The following POLH variants were observed in gnomAD, a reference collection of about 807,000 sequenced individuals.
The protein encoded by POLH is DNA polymerase eta transcript.
POLH carries 53 observed loss-of-function variants against 73.6 expected under a neutral mutation model. That is an observed-to-expected ratio of 0.72 (90% CI 0.58 to 0.91). POLH has a LOEUF of 0.91. Among genes scored for constraint, POLH ranks in the 40% least tolerant of loss-of-function variants. The pLI is 0.00. For missense variants in POLH, 768 were observed against 865.4 expected, an observed-to-expected ratio of 0.89 and a Z score of 1.41; for synonymous variants, 292 against 308.5, an observed-to-expected ratio of 0.95 and a Z score of 0.56.
intron 4 of POLH, among the ~76,000 whole-genome samples, chr6:43,595,668 G>A (rs1009835147): frequency 1.3e-5 from 2 of 152,048 alleles, no homozygotes; most frequent in East Asian, 1.9e-4. Flanking sequence ...GGAGAATGAC[G>A]TGGACTCGGG....
intron 4 of POLH, among the ~76,000 whole-genome samples, chr6:43,594,965 AT>A (rs1765874307): frequency 1.3e-5 from 1 of 74,424 alleles, no homozygotes; most frequent in Middle Eastern, 5.7e-3. Context: ...TGGGGGGCAT[AT>A]GGGGGGGGAT....
intron 4 of POLH, among the ~76,000 whole-genome samples, chr6:43,592,404 CTTT>C (rs897203358): frequency 5.3e-5 from 7 of 131,796 alleles, no homozygotes; most frequent in African/African-American, 2.9e-5. Flanking sequence ...TTTGTATCTT[CTTT>C]TTTTTTTTTT....
chr6:43,611,845 CAGG>C (rs1469276901), intron 10 of POLH, among the ~76,000 whole-genome samples: 2 of 152,046 alleles, frequency 1.3e-5, no homozygotes, highest in Non-Finnish European at 2.9e-5. Context: ...CACCTGAGGT[CAGG>C]AGTTCAAGAG....
intron 1 of POLH, among the ~76,000 whole-genome samples, chr6:43,576,877 C>T (rs1763401028): frequency 1.3e-5 from 2 of 152,190 alleles, no homozygotes; most frequent in South Asian, 4.1e-4. Context: ...AGCTCTTGGC[C>T]GGGCGCGGTG....
At chr6:43,579,991 A>G in intron 1 of POLH, among the ~76,000 whole-genome samples, 2 of 139,448 alleles carry the variant, frequency 1.4e-5, no homozygotes, top group African/African-American at 2.7e-5. Context: ...ACAATAGTGG[A>G]GGGAAGGTCA....
intron 4 of POLH, among the ~76,000 whole-genome samples, chr6:43,592,636 C>T (rs767381649): frequency 1.1e-4 from 17 of 152,194 alleles, no homozygotes; most frequent in Non-Finnish European, 2.2e-4. Flanking sequence ...AGCATGGTCT[C>T]GATCTCCTGA....
Position 43,605,241 on chromosome 6 carries a change from A to C in POLH, c.1009-13A>C. On this transcript the variant is annotated splice_polypyrimidine_tract_variant and intron_variant, in intron 8 of 10. Coordinates refer to ENST00000372236, the MANE Select transcript of POLH (RefSeq NM_006502.3). ...TGTTTAAATGAAAGATTAAAGTCTC[A>C]ATACTTTTTTAGGTACAATGGTGGC... 2 of 1,505,998 alleles carry C rather than the reference A, an allele frequency of 1.3e-6. No homozygotes were observed. Among genetic ancestry groups the C allele is most frequent in the East Asian group, 2.3e-5 (1 of 44,324 alleles). 93.3% of individuals were successfully genotyped at this position (1,505,998 alleles called of 1,614,324 possible). A position where few individuals can be genotyped will look rare whatever the true frequency, so the allele number is the denominator to read the frequency against.
intron 5 of POLH, among the ~76,000 whole-genome samples, chr6:43,600,754 GAT>G (rs900097097): frequency 1.8e-4 from 27 of 152,322 alleles, no homozygotes; most frequent in African/African-American, 5.8e-4. Context: ...GAATGGGAGA[GAT>G]GTGGGAAGAA....
intron 3 of POLH, among the ~76,000 whole-genome samples, chr6:43,585,418 A>G (rs1001829620): frequency 6.6e-6 from 1 of 152,052 alleles, no homozygotes; most frequent in African/African-American, 2.4e-5. Flanking sequence ...GGGTGGGGCC[A>G]AAAGTCCCAA....
At chr6:43,609,796 T>C (rs1203255322) in intron 9 of POLH, among the ~76,000 whole-genome samples, 2 of 152,170 alleles carry the variant, frequency 1.3e-5, no homozygotes, top group African/African-American at 4.8e-5. Flanking sequence ...AGTCACAAAA[T>C]AGTATCTAGT....
chr6:43,580,993 A>ACC (rs1200040379), intron 1 of POLH, among the ~76,000 whole-genome samples: 90 of 82,060 alleles, frequency 1.1e-3, no homozygotes, highest in African/African-American at 3.7e-3. Context: ...CGGGGGGCTG[A>ACC]CCCCCCCCCA....
Position 43,614,589 on chromosome 6 carries a change from T to A in POLH, c.*32T>A. 1 of 1,557,154 alleles carries A rather than the reference T, an allele frequency of 6.4e-7. No individual in the cohort carries two copies. Among genetic ancestry groups the A allele is most frequent in the Non-Finnish European group, 8.8e-7 (1 of 1,132,426 alleles). On this transcript the variant is annotated 3_prime_UTR_variant, in exon 11 of 11. Transcript: ENST00000372236. ...CCTCAGGCTTGCCTGTAGGATTTAA[T>A]ATTTTTTATCTTTACAGATCTTTAT...
intron 1 of POLH, among the ~76,000 whole-genome samples, chr6:43,577,394 T>A (rs1316629785): frequency 6.6e-6 from 1 of 152,246 alleles, no homozygotes; most frequent in Non-Finnish European, 1.5e-5. Flanking sequence ...GTTACAATAC[T>A]ATTTGTTGGC....
intron 9 of POLH, among the ~76,000 whole-genome samples, chr6:43,607,381 C>G (rs1251987947): frequency 6.6e-6 from 1 of 152,236 alleles, no homozygotes; most frequent in Non-Finnish European, 1.5e-5. Context: ...GCGTGAGCCA[C>G]TGCGCCCGGC....
intron 3 of POLH, among the ~76,000 whole-genome samples, chr6:43,584,134 C>T (rs1764558073): frequency 1.3e-5 from 2 of 152,132 alleles, no homozygotes; most frequent in African/African-American, 4.8e-5. Context: ...CAGAGTGAGA[C>T]CCTGTCTCAA....
intron 9 of POLH, among the ~76,000 whole-genome samples, chr6:43,610,291 C>T (rs1767761329): frequency 6.6e-6 from 1 of 152,066 alleles, no homozygotes; most frequent in Non-Finnish European, 1.5e-5. Flanking sequence ...TCTCGAACTC[C>T]TGACTTCAGG....
intron 3 of POLH, among the ~76,000 whole-genome samples, chr6:43,583,970 C>T (rs1764540581): frequency 6.6e-6 from 1 of 152,124 alleles, no homozygotes; most frequent in Non-Finnish European, 1.5e-5. Context: ...GGGGAAACCC[C>T]ATCTCTAACA....
At chr6:43,604,807 G>A in intron 8 of POLH, 69 bp downstream of exon 8, 1 of 1,559,960 alleles carries the variant, frequency 6.4e-7, no homozygotes, top group East Asian at 2.2e-5. Flanking sequence ...TGGTAGCTGT[G>A]GAAGGTTTAA....
intron 10 of POLH, among the ~76,000 whole-genome samples, chr6:43,612,909 C>A (rs997612738): frequency 6.6e-6 from 1 of 150,726 alleles, no homozygotes; most frequent in Non-Finnish European, 1.5e-5. Flanking sequence ...TCAAGCAATT[C>A]TTCTGCCTCA....
Sources: allele counts gnomAD v4.1 joint callset (sites outside exome capture counted in the v4.1 genomes callset), GRCh38; gene constraint gnomAD v4.1.1; transcripts MANE v1.5; gene names NCBI Gene and HGNC (gene_info 2026-07-23, HGNC 2026-07-21).